The following UBR1 variants were observed in gnomAD, a reference collection of about 807,000 sequenced individuals.
The protein encoded by UBR1 is ubiquitin protein ligase E3 component n-recognin 1.
UBR1 carries 102 observed loss-of-function variants against 242.1 expected under a neutral mutation model. That is an observed-to-expected ratio of 0.42 (90% CI 0.36 to 0.50). The LOEUF (loss-of-function observed/expected upper bound fraction) is 0.50, where lower values mean the gene tolerates loss of function less well. UBR1 is among the 20% of genes least tolerant of loss of function. UBR1 has a pLI of 0.01. For missense variants in UBR1, 1,772 were observed against 2,101.8 expected (o/e 0.84, Z 3.07); for synonymous variants, 675 against 684.8 (o/e 0.99, Z 0.22).
intron 11 of UBR1, among the ~76,000 whole-genome samples, chr15:43,056,093 G>A (rs1488256816): frequency 6.6e-6 from 1 of 152,080 alleles, no homozygotes; most frequent in African/African-American, 2.4e-5. Context: ...AATATTTTTG[G>A]TATTGAAAAG....
chr15:42,976,733 T>A lies in UBR1; in HGVS notation c.4353A>T (p.Leu1451=). 1 of 1,614,004 alleles carries A rather than the reference T, an allele frequency of 6.2e-7. No individual in the cohort carries two copies. The highest frequency in any genetic ancestry group is 1.1e-5 in the South Asian group (1 of 91,080). The change falls in exon 39 of 47, where the codon CTA becomes CTT. Residue 1451 remains leucine, a synonymous_variant. Transcript: ENST00000290650. The part of the protein sequence containing the change: ...LITMAHMLQI[L]LTVDTGLPLA... Reference sequence around the variant, plus strand: ...AAACCTTACCTGTGTCTACTGTAAGTAGTATCTGAAGCATGTGTGCCATGG... The same window carrying A: ...AAACCTTACCTGTGTCTACTGTAAGAAGTATCTGAAGCATGTGTGCCATGG...
chr15:43,017,008 C>G (rs1596103260), intron 28 of UBR1, 87 bp downstream of exon 28: 2 of 1,034,390 alleles, frequency 1.9e-6, no homozygotes, highest in African/African-American at 1.6e-5. Flanking sequence ...TTTCTCCTAA[C>G]AAAAAAGCAG....
intron 45 of UBR1, among the ~76,000 whole-genome samples, chr15:42,951,370 T>G (rs186673983): frequency 1.1e-4 from 16 of 152,272 alleles, no homozygotes; most frequent in Admixed American, 1.0e-3. Context: ...ATTACAGGCA[T>G]GCGCCACCAC....
intron 43 of UBR1, among the ~76,000 whole-genome samples, chr15:42,959,928 A>G (rs890566966): frequency 6.6e-6 from 1 of 152,228 alleles, no homozygotes; most frequent in Non-Finnish European, 1.5e-5. Flanking sequence ...TAGTGTTGGT[A>G]TTTAAAGCTG....
Position 43,015,883 on chromosome 15 carries a change from A to G in UBR1, c.3028-14T>C, listed in dbSNP as rs770573188. Reference sequence around the variant, plus strand: ...ATCATGAGTAATCTGGGTATTAAGAAATGACAAATTTAGGTAAGATCCACT... The same window carrying G: ...ATCATGAGTAATCTGGGTATTAAGAGATGACAAATTTAGGTAAGATCCACT... On this transcript the variant is annotated splice_polypyrimidine_tract_variant and intron_variant, in intron 28 of 46. Coordinates refer to ENST00000290650, the MANE Select transcript of UBR1 (RefSeq NM_174916.3). The G allele has an allele frequency of 1.7e-5, 28 of 1,612,852 alleles. No individual in the cohort carries two copies. The highest frequency in any genetic ancestry group is 5.0e-5 in the Admixed American group (3 of 59,980).
intron 29 of UBR1, among the ~76,000 whole-genome samples, chr15:43,012,210 G>A (rs1243279928): frequency 3.3e-5 from 5 of 149,684 alleles, no homozygotes; most frequent in Non-Finnish European, 5.9e-5. Flanking sequence ...CTGGGCGACA[G>A]AGTGAGATTC....
chr15:42,958,701 T>C (rs893269708), intron 43 of UBR1, among the ~76,000 whole-genome samples: 1 of 152,220 alleles, frequency 6.6e-6, no homozygotes, highest in Non-Finnish European at 1.5e-5. Context: ...ACTTAATACA[T>C]GCTTGCAAAT....
intron 32 of UBR1, among the ~76,000 whole-genome samples, chr15:43,002,298 C>A (rs1470356665): frequency 6.6e-6 from 1 of 152,156 alleles, no homozygotes; most frequent in Non-Finnish European, 1.5e-5. Flanking sequence ...ACTGGAGCTT[C>A]AATCTCCTGG....
At chr15:43,084,703 T>G (rs998167127) in intron 2 of UBR1, among the ~76,000 whole-genome samples, 3 of 152,184 alleles carry the variant, frequency 2.0e-5, no homozygotes, top group African/African-American at 7.2e-5. Flanking sequence ...TCCACCTGCC[T>G]CGGCCTCCCA....
At chr15:42,976,195 A>G (rs2032285238) in intron 39 of UBR1, among the ~76,000 whole-genome samples, 1 of 152,234 alleles carries the variant, frequency 6.6e-6, no homozygotes, top group African/African-American at 2.4e-5. Flanking sequence ...GAAGATGTTG[A>G]TATTTCATTG....
Position 43,036,547 on chromosome 15 carries a change from T to G in UBR1, c.2069A>C (p.Lys690Thr). 6.3e-7 allele frequency: 1 copy of G among 1,596,766 alleles called. No homozygotes were observed. The highest frequency in any genetic ancestry group is 1.1e-5 in the South Asian group (1 of 90,662). Residue 690 changes from lysine to threonine, a missense_variant, in exon 18 of 47, where the codon AAA becomes ACA. Around this residue, in one of 3 missense-constraint regions of UBR1, gnomAD observed 734 missense variants for 893.3 expected, o/e 0.82. Coordinates refer to ENST00000290650, the MANE Select transcript of UBR1 (RefSeq NM_174916.3). ...DVKCREEMYDKDIIMLQIGAS... is the reference protein window; with the variant it reads ...DVKCREEMYDTDIIMLQIGAS... ...AGGTACCTGAAGCATGATGATATCT[T>G]TATCATACATTTCTTCTCTGCACTT...
chr15:43,086,107 G>A lies in UBR1; in HGVS notation c.215C>T (p.Thr72Ile), dbSNP rs140686087. 1 of 1,613,924 alleles carries A rather than the reference G, an allele frequency of 6.2e-7. No individual in the cohort carries two copies. Reference protein sequence around the residue: ...QEESVQMSIFTPLEWYLFGED... With the variant: ...QEESVQMSIFIPLEWYLFGED... ...TCCAAATAAGTACCATTCCAGTGGA[G>A]TGAATATTGACATTTGTACACTTTC... Residue 72 changes from threonine (T) to isoleucine (I), a missense_variant, in exon 2 of 47, where the codon ACT becomes ATT. By Grantham distance (89) the Thr-to-Ile change is moderately conservative (BLOSUM62 -1). Coordinates refer to ENST00000290650, the MANE Select transcript of UBR1 (RefSeq NM_174916.3).
intron 44 of UBR1, among the ~76,000 whole-genome samples, chr15:42,956,276 C>G (rs757783410): frequency 3.3e-5 from 5 of 152,184 alleles, no homozygotes; most frequent in Non-Finnish European, 7.4e-5. Context: ...ATCAGTCACT[C>G]TAATGAAACA....
At chr15:43,079,220 C>T (rs1281998937) in intron 3 of UBR1, among the ~76,000 whole-genome samples, 4 of 151,878 alleles carry the variant, frequency 2.6e-5, no homozygotes. Flanking sequence ...TAATCCTACA[C>T]CTTGGGAGGC....
intron 12 of UBR1, among the ~76,000 whole-genome samples, chr15:43,048,968 T>C (rs1323104984): frequency 6.6e-6 from 1 of 152,262 alleles, no homozygotes; most frequent in African/African-American, 2.4e-5. Context: ...CAGGATGTAC[T>C]AGTTTCAAGA....
At chr15:43,032,482 G>A in intron 20 of UBR1, 86 bp downstream of exon 20, 2 of 927,824 alleles carry the variant, frequency 2.2e-6, no homozygotes, top group South Asian at 2.8e-5. Flanking sequence ...CGAATAAGGA[G>A]TAAAATGATC....
intron 1 of UBR1, chr15:43,092,038 C>T (rs1171478912): frequency 2.2e-6 from 1 of 453,606 alleles, no homozygotes; most frequent in South Asian, 1.6e-5. Context: ...GAGCGGAGAT[C>T]ATGCCACTGC....
chr15:43,056,413 G>A lies in UBR1; in HGVS notation c.1212C>T (p.Ile404=), dbSNP rs1297249747. 6.2e-7 allele frequency: 1 copy of A among 1,611,358 alleles called. No individual in the cohort carries two copies. Among genetic ancestry groups the A allele is most frequent in the Non-Finnish European group, 8.5e-7 (1 of 1,177,832 alleles). ...KYYKQLQKEY[I]SDDHDRSISI... is the part of the protein sequence containing the mutation. ...AGATACTTCTGTCATGATCATCACT[G>A]ATATATTCTTTCTGCAGTTGTTTAT... Residue 404 remains isoleucine, a synonymous_variant, in exon 11 of 47, where the codon ATC becomes ATT. Transcript: ENST00000290650.
rs148549752 is a variant in UBR1, at chr15:42,987,049, C to T, written c.3997+1770G>A. Among the ~76,000 whole-genome samples the T allele has an allele frequency of 1.1e-3, 160 of 152,376 alleles. No individual in the cohort carries two copies. In the South Asian group the frequency reaches 0.011, roughly 10 times the overall value. ...TGACTCCAGCTCCTGAGCGGCGCTTCCTCAGCTCCCATGCCCCTGCATGGT... is the reference window on the plus strand; with the variant it reads ...TGACTCCAGCTCCTGAGCGGCGCTTTCTCAGCTCCCATGCCCCTGCATGGT... On this transcript the variant is annotated intron_variant, in intron 35 of 46. Transcript: ENST00000290650.
Sources: allele counts gnomAD v4.1 joint callset (sites outside exome capture counted in the v4.1 genomes callset), GRCh38; gene constraint gnomAD v4.1.1; regional missense constraint gnomAD v4.1.1; transcripts MANE v1.5; gene names NCBI Gene and HGNC (gene_info 2026-07-23, HGNC 2026-07-21).